The following NKAIN3 variants were observed in gnomAD, a reference collection of about 807,000 sequenced individuals.
The protein encoded by NKAIN3 is sodium/potassium transporting ATPase interacting 3.
In NKAIN3, 25 loss-of-function variants were observed where a neutral mutation model predicts 30.2. The observed-to-expected ratio is 0.83, with a 90% confidence interval of 0.60 to 1.16. The LOEUF (loss-of-function observed/expected upper bound fraction) is 1.16, where lower values mean the gene tolerates loss of function less well. Ranked by LOEUF, NKAIN3 falls within the 50% of genes most tolerant of loss-of-function variation. NKAIN3 has a pLI of 0.00. For synonymous variants in NKAIN3, 91 were observed against 89.6 expected, an observed-to-expected ratio of 1.02 and a Z score of -0.09; for missense variants, 225 against 254.1, an observed-to-expected ratio of 0.89 and a Z score of 0.78.
At chr8:62,871,788 A>G (rs997511599) in intron 4 of NKAIN3, among the ~76,000 whole-genome samples, 7 of 152,240 alleles carry the variant, frequency 4.6e-5, no homozygotes, top group Admixed American at 2.6e-4. Flanking sequence ...CATTTTCACC[A>G]CTTGTGGAAA....
intron 1 of NKAIN3, among the ~76,000 whole-genome samples, chr8:62,505,023 G>C (rs772075406): frequency 6.6e-6 from 1 of 152,108 alleles, no homozygotes. Flanking sequence ...TAGTTAATAA[G>C]CATTTTCTCC....
chr8:62,739,433 A>G lies in NKAIN3; in HGVS notation c.274-7499A>G, dbSNP rs1160296314. ...AAATTTGTTGTTTGTTCTTGTGTTT[A>G]TTTTACCAGAATTTATGTTGCTCTG... On this transcript the variant is annotated intron_variant, in intron 3 of 6. Transcript: ENST00000623646. 2.0e-5 allele frequency among the ~76,000 whole-genome samples: 3 copies of G among 152,158 alleles called. No individual in the cohort carries two copies. The East Asian group carries it at 5.8e-4, about 29-fold the overall frequency.
intron 3 of NKAIN3, among the ~76,000 whole-genome samples, chr8:62,644,752 A>G (rs990005974): frequency 6.6e-6 from 1 of 152,150 alleles, no homozygotes; most frequent in Non-Finnish European, 1.5e-5. Flanking sequence ...AGAAATTAAT[A>G]TGTATTTGGA....
chr8:62,464,840 A>G (rs1164421640), intron 1 of NKAIN3, among the ~76,000 whole-genome samples: 1 of 152,178 alleles, frequency 6.6e-6, no homozygotes, highest in East Asian at 1.9e-4. Context: ...TGTAAGAAAG[A>G]TATACCTGTG....
intron 1 of NKAIN3, among the ~76,000 whole-genome samples, chr8:62,323,513 C>T (rs1457168652): frequency 6.6e-6 from 1 of 152,178 alleles, no homozygotes; most frequent in African/African-American, 2.4e-5. Flanking sequence ...CAGGCAGTTG[C>T]TGAACAGGTG....
chr8:62,295,363 A>T (rs1435230532), intron 1 of NKAIN3, among the ~76,000 whole-genome samples: 1 of 152,156 alleles, frequency 6.6e-6, no homozygotes, highest in Non-Finnish European at 1.5e-5. Flanking sequence ...AGTGAAGCTG[A>T]TAGGTGTGTC....
At chr8:62,938,052 G>T (rs1215454959) in intron 5 of NKAIN3, among the ~76,000 whole-genome samples, 1 of 152,074 alleles carries the variant, frequency 6.6e-6, no homozygotes, top group Non-Finnish European at 1.5e-5. Context: ...GGAAAGGCCT[G>T]TCCAAAGAGA....
chr8:62,511,215 G>T (rs553155348), intron 1 of NKAIN3, among the ~76,000 whole-genome samples: 1 of 152,258 alleles, frequency 6.6e-6, no homozygotes, highest in Admixed American at 6.5e-5. Flanking sequence ...TCATTCAAGA[G>T]GAATTTATTT....
At chr8:62,417,221 A>G (rs1222641102) in intron 1 of NKAIN3, among the ~76,000 whole-genome samples, 2 of 152,012 alleles carry the variant, frequency 1.3e-5, no homozygotes, top group African/African-American at 4.8e-5. Context: ...TGAGAATGCA[A>G]TGTTTTTCTT....
In NKAIN3 at chr8:62,767,356, C is replaced by T. The variant is rs73683423; in HGVS notation, c.471+20227C>T. Among the ~76,000 whole-genome samples the T allele has an allele frequency of 9.7e-3, 1,481 of 152,226 alleles. 22 individuals carry two copies. The highest frequency in any genetic ancestry group is 0.034 in the African/African-American group (1,401 of 41,528). ...AATTCTCACCTCCCCTCCAAGGCTG[C>T]TGAATTAGGAGGGCATACACCTGAA... On this transcript the variant is annotated intron_variant, in intron 4 of 6. Coordinates refer to ENST00000623646, the MANE Select transcript of NKAIN3 (RefSeq NM_001304533.3).
At chr8:62,696,197 T>C (rs557404823) in intron 3 of NKAIN3, among the ~76,000 whole-genome samples, 1 of 152,308 alleles carries the variant, frequency 6.6e-6, no homozygotes, top group Non-Finnish European at 1.5e-5. Flanking sequence ...GAATCCATGT[T>C]AACAATACTG....
At chr8:62,985,300 T>A (rs1295941342), downstream of NKAIN3, among the ~76,000 whole-genome samples, 4 of 152,232 alleles carry the variant, frequency 2.6e-5, no homozygotes, top group Admixed American at 6.5e-5. Flanking sequence ...CAAACCTTTG[T>A]AACTAACAAG....
At chr8:62,329,793 G>A (rs1815278695) in intron 1 of NKAIN3, among the ~76,000 whole-genome samples, 1 of 152,092 alleles carries the variant, frequency 6.6e-6, no homozygotes, top group African/African-American at 2.4e-5. Context: ...TAGCACTGCA[G>A]TGAACATACA....
At chr8:62,770,737 A>ACCTC (rs985873830) in intron 4 of NKAIN3, among the ~76,000 whole-genome samples, 8 of 152,048 alleles carry the variant, frequency 5.3e-5, no homozygotes, top group African/African-American at 1.9e-4. Flanking sequence ...CTTATAGGTG[A>ACCTC]CCTCTAACAG....
At chr8:62,674,135 C>G (rs901624455) in intron 3 of NKAIN3, among the ~76,000 whole-genome samples, 23 of 152,182 alleles carry the variant, frequency 1.5e-4, no homozygotes, top group African/African-American at 5.6e-4. Context: ...TTAGCAAACA[C>G]ACACAAATGC....
chr8:62,677,715 A>G (rs1351173593), intron 3 of NKAIN3, among the ~76,000 whole-genome samples: 1 of 152,194 alleles, frequency 6.6e-6, no homozygotes, highest in Non-Finnish European at 1.5e-5. Context: ...AGGTCACACC[A>G]AAAGCTAATT....
intron 4 of NKAIN3, among the ~76,000 whole-genome samples, chr8:62,780,491 A>G (rs1014133085): frequency 3.3e-5 from 5 of 152,158 alleles, no homozygotes; most frequent in Admixed American, 1.3e-4. Context: ...AAAGAAAGAA[A>G]ACTACAGGCC....
intron 1 of NKAIN3, among the ~76,000 whole-genome samples, chr8:62,397,873 T>A (rs1006224709): frequency 1.3e-5 from 2 of 152,118 alleles, no homozygotes; most frequent in African/African-American, 4.8e-5. Flanking sequence ...ACAGAACTTA[T>A]AAAAATCAGG....
At chr8:62,735,345 CCTTTCTTTCTTT>C (rs1222540572) in intron 3 of NKAIN3, among the ~76,000 whole-genome samples, 1 of 115,686 alleles carries the variant, frequency 8.6e-6, no homozygotes, top group Non-Finnish European at 1.9e-5. Context: ...AATTCAAAAA[CCTTTCTTTCTTT>C]CTTTCTTTCT....
Sources: allele counts gnomAD v4.1 joint callset (sites outside exome capture counted in the v4.1 genomes callset), GRCh38; gene constraint gnomAD v4.1.1; transcripts MANE v1.5; gene names NCBI Gene and HGNC (gene_info 2026-07-23, HGNC 2026-07-21).